SH3PXD2B: variants seen among roughly 807,000 people sequenced by gnomAD.
SH3PXD2B encodes SH3 and PX domain-containing protein 2B.
SH3PXD2B carries 37 observed loss-of-function variants against 73.1 expected under a neutral mutation model. That is an observed-to-expected ratio of 0.51 (90% CI 0.39 to 0.67). SH3PXD2B has a LOEUF of 0.67. Ranked by LOEUF, SH3PXD2B falls within the 30% of genes least tolerant of loss-of-function variation. The probability of loss-of-function intolerance (pLI) is 0.00; values close to 1 mark genes in which losing one functional copy is unlikely to be tolerated. For missense variants in SH3PXD2B, 1,053 were observed against 1,197.8 expected, an observed-to-expected ratio of 0.88 and a Z score of 1.78; for synonymous variants, 457 against 480.5, an observed-to-expected ratio of 0.95 and a Z score of 0.64.
intron 2 of SH3PXD2B, among the ~76,000 whole-genome samples, chr5:172,409,881 A>G (rs1758652489): frequency 6.6e-6 from 1 of 151,990 alleles, no homozygotes; most frequent in East Asian, 1.9e-4. Flanking sequence ...ACACCTGGCT[A>G]ATTTTTGTAT....
chr5:172,397,031 C>T (rs976546679), intron 3 of SH3PXD2B, among the ~76,000 whole-genome samples: 22 of 152,224 alleles, frequency 1.4e-4, no homozygotes, highest in African/African-American at 3.4e-4. Context: ...GAGAGCCAGG[C>T]GGAACAGAGC....
intron 3 of SH3PXD2B, among the ~76,000 whole-genome samples, chr5:172,402,766 G>C (rs1758450275): frequency 6.6e-6 from 1 of 152,262 alleles, no homozygotes; most frequent in African/African-American, 2.4e-5. Flanking sequence ...CTTAGAAGCT[G>C]TCTCCATGAC....
chr5:172,423,151 C>T (rs765094418), intron 1 of SH3PXD2B, among the ~76,000 whole-genome samples: 9 of 152,156 alleles, frequency 5.9e-5, no homozygotes. Flanking sequence ...GAAAACAATA[C>T]ATTGATAACA....
intron 1 of SH3PXD2B, among the ~76,000 whole-genome samples, chr5:172,425,398 G>A (rs1181238673): frequency 2.0e-5 from 3 of 152,182 alleles, no homozygotes; most frequent in African/African-American, 7.2e-5. Context: ...AGGGTGGTAG[G>A]TGGAGGGGCT....
Position 172,450,124 on chromosome 5 carries a change from G to A in SH3PXD2B, c.75+4154C>T, listed in dbSNP as rs572576544. ...GATGGAAATGTTATAATACTGCATT[G>A]TGGTGACGGTTGCATAGCTCTGCAA... On this transcript the variant is annotated intron_variant, in intron 1 of 12. Transcript: ENST00000311601. Among the ~76,000 whole-genome samples, 16 of 152,310 alleles carry A rather than the reference G, an allele frequency of 1.1e-4. No homozygotes were observed. In the South Asian group the frequency reaches 3.3e-3, roughly 32 times the overall value.
chr5:172,414,076 G>C (rs1037074422), intron 2 of SH3PXD2B, among the ~76,000 whole-genome samples: 2 of 152,252 alleles, frequency 1.3e-5, no homozygotes, highest in African/African-American at 4.8e-5. Context: ...GGCCTCTGCA[G>C]TGGAGCATGG....
Position 172,339,463 on chromosome 5 carries a change from G to C in SH3PXD2B, c.1642C>G (p.Gln548Glu). 6.2e-7 allele frequency: 1 copy of C among 1,613,870 alleles called. No homozygotes were observed. Among genetic ancestry groups the C allele is most frequent in the Non-Finnish European group, 8.5e-7 (1 of 1,179,892 alleles). The stretch of plus-strand genomic sequence containing the variant: ...GGCTTGGGAGTGGGGCCCCGGAGCT[G>C]CTCCGTCCTCTGCCGCTCCCGCTCC... ...ERERERQRTE[Q>E]LRGPTPKPPG... The change falls in exon 13 of 13, where the codon CAG becomes GAG. Residue 548 changes from glutamine (Q) to glutamate (E), a missense_variant. By Grantham distance (29) the Gln-to-Glu change is conservative (BLOSUM62 2). Coordinates refer to ENST00000311601, the MANE Select transcript of SH3PXD2B (RefSeq NM_001017995.3). The surrounding 1 kb of genome is among the most constrained non-coding windows in gnomAD (Gnocchi z 6.1).
chr5:172,422,573 A>G, intron 1 of SH3PXD2B, 77 bp from the exon 2 acceptor site: 3 of 1,369,828 alleles, frequency 2.2e-6, no homozygotes, highest in Non-Finnish European at 3.0e-6. Flanking sequence ...GGGGAGCACA[A>G]GACTCAGAGT....
Position 172,394,541 on chromosome 5 carries a change from C to A in SH3PXD2B, c.309+22G>T, listed in dbSNP as rs114006535. On this transcript the variant is annotated intron_variant, in intron 4 of 12. Coordinates refer to ENST00000311601, the MANE Select transcript of SH3PXD2B (RefSeq NM_001017995.3). ...CAGAATACACCTACAGGGAAGACTG[C>A]GTGGGCATTTCTCAGCCTTACCTTA... is the stretch of plus-strand genomic sequence containing the variant. 4 of 1,612,220 alleles carry A rather than the reference C, an allele frequency of 2.5e-6. No homozygotes were observed. The South Asian group carries it at 3.3e-5, about 13-fold the overall frequency.
At chr5:172,423,502 A>C (rs922178604) in intron 1 of SH3PXD2B, among the ~76,000 whole-genome samples, 4 of 139,086 alleles carry the variant, frequency 2.9e-5, no homozygotes, top group Non-Finnish European at 6.1e-5. Context: ...GACTCCTGGA[A>C]TCCTCCTTCC....
intron 1 of SH3PXD2B, among the ~76,000 whole-genome samples, chr5:172,439,198 C>T (rs1340573608): frequency 6.9e-6 from 1 of 145,504 alleles, no homozygotes; most frequent in African/African-American, 2.6e-5. Context: ...CAAGATCACG[C>T]CACTGCACTC....
rs1233191006 is a variant in SH3PXD2B, at chr5:172,421,252, C to T, written c.156+1164G>A. Among the ~76,000 whole-genome samples the T allele has an allele frequency of 3.3e-5, 5 of 152,198 alleles. No individual in the cohort carries two copies. The highest frequency in any genetic ancestry group is 5.9e-5 in the Non-Finnish European group (4 of 68,030). ...GAACCATGACTACCTCCCACACTTG[C>T]TGTTACACGCCATTAGTGACATCAA... is the stretch of plus-strand genomic sequence containing the variant. On this transcript the variant is annotated intron_variant, in intron 2 of 12. Transcript: ENST00000311601. This position sits in a 1 kb window ranked among gnomAD's most constrained non-coding sequence, Gnocchi z 4.0.
At chr5:172,437,066 G>C (rs1450862487) in intron 1 of SH3PXD2B, among the ~76,000 whole-genome samples, 2 of 152,168 alleles carry the variant, frequency 1.3e-5, no homozygotes, top group African/African-American at 2.4e-5. Context: ...CTGGGTTGCA[G>C]ATGGCTTGCT....
chr5:172,415,838 C>T (rs535051995), intron 2 of SH3PXD2B, among the ~76,000 whole-genome samples: 36 of 152,276 alleles, frequency 2.4e-4, no homozygotes, highest in African/African-American at 7.5e-4. Context: ...ATCCCAAGGC[C>T]GCACAGCTGG....
chr5:172,350,783 G>A (rs1757145992), intron 9 of SH3PXD2B, among the ~76,000 whole-genome samples, 194 bp from the exon 10 acceptor site: 1 of 152,148 alleles, frequency 6.6e-6, no homozygotes, highest in Admixed American at 6.5e-5. Flanking sequence ...TATTTTCAAG[G>A]CCTTTCCAAC....
intron 6 of SH3PXD2B, among the ~76,000 whole-genome samples, chr5:172,370,487 G>A (rs951764233): frequency 1.3e-5 from 2 of 152,218 alleles, no homozygotes; most frequent in Non-Finnish European, 2.9e-5. Flanking sequence ...AGAGAGCCAG[G>A]AAATGAGGAG....
chr5:172,340,455 G>C (rs1756826619), intron 12 of SH3PXD2B, among the ~76,000 whole-genome samples: 1 of 152,150 alleles, frequency 6.6e-6, no homozygotes, highest in Admixed American at 6.5e-5. Context: ...GGTGAATTCA[G>C]GTGGATCAGA....
At chr5:172,328,173 C>T (rs1436710829) in intron 12 of SH3PXD2B, among the ~76,000 whole-genome samples, 1 of 149,810 alleles carries the variant, frequency 6.7e-6, no homozygotes, top group Non-Finnish European at 1.5e-5. Flanking sequence ...GTCACTCAGG[C>T]TGGAGTACAA....
chr5:172,369,032 T>C, intron 6 of SH3PXD2B, among the ~76,000 whole-genome samples: 1 of 150,080 alleles, frequency 6.7e-6, no homozygotes, highest in Non-Finnish European at 1.5e-5. Context: ...GTAGGTGGGA[T>C]TACAGGCATG....
Sources: gnomAD v4.1 joint callset for allele counts (sites outside exome capture counted in the v4.1 genomes callset) on GRCh38, gnomAD v4.1.1 for gene constraint, Gnocchi (gnomAD v3.1) non-coding constraint, MANE v1.5 for transcripts, NCBI Gene and HGNC (gene_info 2026-07-23, HGNC 2026-07-21) for gene names.